Variants in SUGCT observed in about 807,000 individuals in gnomAD.
The protein encoded by SUGCT is succinyl-CoA:glutarate-CoA transferase.
A neutral mutation model predicts 55.0 loss-of-function variants in SUGCT; 41 were observed. That is an observed-to-expected ratio of 0.74 (90% CI 0.58 to 0.97). The LOEUF (loss-of-function observed/expected upper bound fraction) is 0.97. Ranked by LOEUF, SUGCT falls within the 50% of genes least tolerant of loss-of-function variation. SUGCT has a pLI of 0.00. For missense variants in SUGCT, 568 were observed against 547.8 expected, an observed-to-expected ratio of 1.04 and a Z score of -0.37; for synonymous variants, 187 against 200.4, an observed-to-expected ratio of 0.93 and a Z score of 0.56.
intron 6 of SUGCT, among the ~76,000 whole-genome samples, chr7:40,201,475 T>C (rs1786600925): frequency 6.6e-6 from 1 of 152,224 alleles, no homozygotes; most frequent in African/African-American, 2.4e-5. Context: ...GTGTCTCTGT[T>C]GCACCCTCTT....
chr7:40,737,925 A>C (rs899983989), intron 12 of SUGCT, among the ~76,000 whole-genome samples: 6 of 151,118 alleles, frequency 4.0e-5, no homozygotes, highest in African/African-American at 1.5e-4. Context: ...ACTCCGTCTC[A>C]AAAAAAACAA....
intron 5 of SUGCT, among the ~76,000 whole-genome samples, chr7:40,193,641 C>T (rs1367748111): frequency 6.6e-6 from 1 of 151,170 alleles, no homozygotes; most frequent in African/African-American, 2.4e-5. Flanking sequence ...CTCTGTCACC[C>T]AGGCTGGAGT....
At chr7:40,911,346 A>G in the SUGCT span, among the ~76,000 whole-genome samples, 1 of 152,182 alleles carries the variant, frequency 6.6e-6, no homozygotes, top group Non-Finnish European at 1.5e-5. Context: ...AGTCAATGAC[A>G]TTATTTTAAA....
intron 10 of SUGCT, among the ~76,000 whole-genome samples, chr7:40,451,098 A>T (rs1333683942): frequency 1.3e-5 from 2 of 152,162 alleles, no homozygotes; most frequent in Non-Finnish European, 2.9e-5. Context: ...AAAAATATGA[A>T]ACATACGGAA....
intron 6 of SUGCT, among the ~76,000 whole-genome samples, chr7:40,228,312 A>T (rs1315877385): frequency 6.6e-6 from 1 of 152,142 alleles, no homozygotes; most frequent in Non-Finnish European, 1.5e-5. Context: ...TAAAGTAATC[A>T]TAGTAGTTGA....
chr7:40,983,516 TG>T, the SUGCT span, among the ~76,000 whole-genome samples: 2 of 152,228 alleles, frequency 1.3e-5, no homozygotes, highest in African/African-American at 4.8e-5. Context: ...TTGTTCCTTT[TG>T]TAACTGGTGC....
chr7:40,735,350 C>T (rs1160928549), intron 12 of SUGCT, among the ~76,000 whole-genome samples: 1 of 152,058 alleles, frequency 6.6e-6, no homozygotes, highest in East Asian at 1.9e-4. Context: ...ATTTTCTGGA[C>T]TACTTAGTCT....
At chr7:40,915,562 T>C in the SUGCT span, among the ~76,000 whole-genome samples, 1 of 152,162 alleles carries the variant, frequency 6.6e-6, no homozygotes, top group African/African-American at 2.4e-5. Flanking sequence ...TGTTAAGATA[T>C]GGTCACAGAA....
intron 8 of SUGCT, among the ~76,000 whole-genome samples, chr7:40,299,012 C>T (rs1334523412): frequency 6.6e-6 from 1 of 152,074 alleles, no homozygotes; most frequent in Non-Finnish European, 1.5e-5. Flanking sequence ...TGAAAAGGAA[C>T]AAAAAGGCTT....
intron 12 of SUGCT, among the ~76,000 whole-genome samples, chr7:40,742,432 A>C (rs1787510952): frequency 6.6e-6 from 1 of 152,086 alleles, no homozygotes; most frequent in African/African-American, 2.4e-5. Context: ...AGGATGATTC[A>C]AGGGTATTAC....
At chr7:40,436,741 G>A (rs1274772795) in intron 9 of SUGCT, among the ~76,000 whole-genome samples, 1 of 152,090 alleles carries the variant, frequency 6.6e-6, no homozygotes, top group Non-Finnish European at 1.5e-5. Context: ...TTTTACCTTG[G>A]GTTGTTCCTG....
chr7:40,175,065 A>G (rs1584256558), intron 1 of SUGCT, among the ~76,000 whole-genome samples: 1 of 152,070 alleles, frequency 6.6e-6, no homozygotes, highest in African/African-American at 2.4e-5. Flanking sequence ...TTGGTTGCTC[A>G]TGTTCTTTTC....
intron 9 of SUGCT, among the ~76,000 whole-genome samples, chr7:40,448,948 G>GTATA (rs773686381): frequency 0.022 from 3,101 of 143,846 alleles, 53 homozygotes; most frequent in Admixed American, 0.034. Flanking sequence ...GTGTGTGTGT[G>GTATA]TGTATATATA....
At chr7:40,595,642 CAAA>C (rs11365939) in intron 12 of SUGCT, among the ~76,000 whole-genome samples, 1 of 121,786 alleles carries the variant, frequency 8.2e-6, no homozygotes, top group African/African-American at 3.1e-5. Flanking sequence ...TTTCATGCCA[CAAA>C]AAAAAAAAAA....
intron 12 of SUGCT, among the ~76,000 whole-genome samples, chr7:40,647,077 G>T (rs953228436): frequency 2.0e-5 from 3 of 152,196 alleles, no homozygotes; most frequent in Non-Finnish European, 4.4e-5. Context: ...AGCACATGCA[G>T]CTTGACAGGG....
At chr7:40,477,051 A>T (rs1223477447) in intron 11 of SUGCT, among the ~76,000 whole-genome samples, 1 of 152,142 alleles carries the variant, frequency 6.6e-6, no homozygotes, top group Non-Finnish European at 1.5e-5. Context: ...TCTTAGCTTT[A>T]ATGTGTTTAT....
At chr7:40,428,522 CTGTGTGTGTGTGTGTG>C (rs56017526) in intron 9 of SUGCT, among the ~76,000 whole-genome samples, 3 of 149,180 alleles carry the variant, frequency 2.0e-5, no homozygotes, top group South Asian at 2.2e-4. Flanking sequence ...TCTGTCTCTG[CTGTGTGTGTGTGTGTG>C]TGTGTGTGTG....
intron 6 of SUGCT, among the ~76,000 whole-genome samples, chr7:40,213,315 C>A (rs889382188): frequency 1.3e-5 from 2 of 152,066 alleles, no homozygotes; most frequent in Non-Finnish European, 2.9e-5. Flanking sequence ...TTTTTTTGAC[C>A]TTGACAGTTG....
chr7:40,232,321 T>C (rs1788769186), intron 6 of SUGCT, among the ~76,000 whole-genome samples: 1 of 152,216 alleles, frequency 6.6e-6, no homozygotes, highest in Non-Finnish European at 1.5e-5. Flanking sequence ...GTTTTGATAA[T>C]TGAGGTTCTC....
Sources: allele counts gnomAD v4.1 joint callset (sites outside exome capture counted in the v4.1 genomes callset), GRCh38; gene constraint gnomAD v4.1.1; transcripts MANE v1.5; gene names NCBI Gene and HGNC (gene_info 2026-07-23, HGNC 2026-07-21).